Variants in LSM14A observed in about 807,000 individuals in gnomAD.
LSM14A encodes the protein protein LSM14 homolog A.
Under a neutral mutation model 52.4 loss-of-function variants are expected in LSM14A, and 14 were observed. The observed-to-expected ratio is 0.27, with a 90% confidence interval of 0.18 to 0.42. The LOEUF (loss-of-function observed/expected upper bound fraction) is 0.42. LSM14A is among the 10% of genes least tolerant of loss of function. The pLI is 1.00. For synonymous variants in LSM14A, 185 were observed against 200.3 expected (o/e 0.92, Z 0.64); for missense variants, 417 against 581.8 (o/e 0.72, Z 2.91).
chr19:34,172,659 C>A lies in LSM14A; in HGVS notation c.17C>A (p.Pro6His). 6.4e-7 allele frequency: 1 copy of A among 1,574,452 alleles called. No individual in the cohort carries two copies. Among genetic ancestry groups the A allele is most frequent in the Non-Finnish European group, 8.6e-7 (1 of 1,162,310 alleles). Reference protein sequence around the residue: MSGGTPYIGSKISLIS... With the variant: MSGGTHYIGSKISLIS... ...GGCGGCGCCATGAGCGGGGGCACCC[C>A]TTACATCGGCAGCAAGATCAGCCTC... The change falls in exon 1 of 10, where the codon CCT (proline) becomes CAT (histidine). Residue 6 changes from proline to histidine, a missense_variant. Physicochemically the swap from Pro to His is moderately conservative, Grantham distance 77. Coordinates refer to ENST00000544216, the MANE Select transcript of LSM14A (RefSeq NM_015578.4).
At chr19:34,182,992 A>G (rs1268941549) in intron 1 of LSM14A, among the ~76,000 whole-genome samples, 2 of 150,546 alleles carry the variant, frequency 1.3e-5, no homozygotes, top group African/African-American at 4.9e-5. Flanking sequence ...CAGCCTTGTT[A>G]TTGTTGTTTT....
At chr19:34,223,376 G>A (rs780760321) in intron 9 of LSM14A, among the ~76,000 whole-genome samples, 3 of 152,034 alleles carry the variant, frequency 2.0e-5, no homozygotes, top group Non-Finnish European at 2.9e-5. Flanking sequence ...GTGTGCCATG[G>A]TGCTTGTTCC....
chr19:34,196,305 G>C (rs1568482551), intron 2 of LSM14A, among the ~76,000 whole-genome samples: 1 of 151,982 alleles, frequency 6.6e-6, no homozygotes, highest in Admixed American at 6.5e-5. Flanking sequence ...TACTAAGTGT[G>C]ATTTTTCTCA....
chr19:34,199,035 CTT>C (rs1272816465), intron 3 of LSM14A, among the ~76,000 whole-genome samples: 1 of 152,092 alleles, frequency 6.6e-6, no homozygotes, highest in Admixed American at 6.5e-5. Context: ...ATTCAGGTAA[CTT>C]TTACACTCTT....
intron 1 of LSM14A, among the ~76,000 whole-genome samples, chr19:34,173,162 A>C (rs1045909768): frequency 1.3e-5 from 2 of 152,238 alleles, no homozygotes; most frequent in African/African-American, 2.4e-5. Context: ...TGCGTTGACT[A>C]CACAGCACCC....
chr19:34,193,050 T>C (rs890868695), intron 1 of LSM14A, among the ~76,000 whole-genome samples: 6 of 152,222 alleles, frequency 3.9e-5, no homozygotes, highest in Non-Finnish European at 7.3e-5. Context: ...TGAAATATGA[T>C]GTTTCATATT....
intron 1 of LSM14A, among the ~76,000 whole-genome samples, chr19:34,178,357 G>A (rs2069229493): frequency 6.6e-6 from 1 of 152,044 alleles, no homozygotes; most frequent in African/African-American, 2.4e-5. Flanking sequence ...TAAGTTTGAG[G>A]GGCTTTGATC....
rs901862246 is a variant in LSM14A at position 34,172,757 on chromosome 19, G to A, written c.115G>A (p.Ala39Thr). 1 of 1,570,470 alleles carries A rather than the reference G, an allele frequency of 6.4e-7. No homozygotes were observed. The highest frequency in any genetic ancestry group is 1.4e-5 in the African/African-American group (1 of 71,016). ...CACCGAAAACTCCACCGTAGCCCTT[G>A]CCAAAGGTACGCGGGACCGGGCCTC... ...IDTENSTVAL[A>T]KVRSFGTEDR... Residue 39 changes from alanine to threonine, a missense_variant, in exon 1 of 10, where the codon GCC becomes ACC. Ala to Thr is a moderately conservative substitution (Grantham distance 58). Coordinates refer to ENST00000544216, the MANE Select transcript of LSM14A (RefSeq NM_015578.4).
intron 4 of LSM14A, among the ~76,000 whole-genome samples, chr19:34,214,816 AT>A (rs35905842): frequency 0.21 from 30,514 of 142,618 alleles, 3,844 homozygotes; most frequent in South Asian, 0.33. Flanking sequence ...CCTGGCAGCA[AT>A]TTTTTTTTTT....
chr19:34,188,844 A>G (rs1568477535), intron 1 of LSM14A, among the ~76,000 whole-genome samples: 1 of 150,964 alleles, frequency 6.6e-6, no homozygotes, highest in African/African-American at 2.4e-5. Flanking sequence ...TATATATCAT[A>G]TATATAAGAT....
At chr19:34,198,310 A>T (rs1434784709) in intron 3 of LSM14A, among the ~76,000 whole-genome samples, 2 of 152,128 alleles carry the variant, frequency 1.3e-5, no homozygotes, top group Non-Finnish European at 2.9e-5. Flanking sequence ...AGAATGGCAA[A>T]AAAAAAGCAA....
intron 4 of LSM14A, among the ~76,000 whole-genome samples, chr19:34,214,204 T>G (rs940919503): frequency 1.3e-5 from 2 of 152,148 alleles, no homozygotes; most frequent in African/African-American, 4.8e-5. Flanking sequence ...TTGTTTGTTT[T>G]TTTGCTGGCC....
chr19:34,191,514 T>A (rs903111695), intron 1 of LSM14A, among the ~76,000 whole-genome samples: 1 of 152,102 alleles, frequency 6.6e-6, no homozygotes, highest in Non-Finnish European at 1.5e-5. Flanking sequence ...CTCCCTCCTT[T>A]CCCTCTTTTC....
At chr19:34,202,143 T>C (rs2071340600) in intron 3 of LSM14A, among the ~76,000 whole-genome samples, 1 of 151,544 alleles carries the variant, frequency 6.6e-6, no homozygotes. Flanking sequence ...TTTTTTTTTT[T>C]TTCCATTTGG....
intron 2 of LSM14A, among the ~76,000 whole-genome samples, chr19:34,196,178 T>A (rs1201970436): frequency 1.3e-5 from 2 of 152,208 alleles, no homozygotes; most frequent in African/African-American, 4.8e-5. Context: ...GTAAATGGTT[T>A]TATGTGGGAT....
Position 34,221,397 on chromosome 19 carries a change from A to T in LSM14A, c.1137-110A>T, listed in dbSNP as rs780356116. The T allele has an allele frequency of 8.1e-6, 10 of 1,229,464 alleles. No individual in the cohort carries two copies. In the African/African-American group the frequency reaches 1.2e-4, roughly 15 times the overall value. The allele number at this position is 1,229,464 out of a possible 1,614,324, so 76.2% of individuals were successfully genotyped here. A position where few individuals can be genotyped will look rare whatever the true frequency, so the allele number is the denominator to read the frequency against. On this transcript the variant is annotated intron_variant, in intron 8 of 9. Coordinates refer to ENST00000544216, the MANE Select transcript of LSM14A (RefSeq NM_015578.4). ...ACGCCTAGCCAAGATGCTTATTTCT[A>T]ATTAGCTTTAGTAATTACTTAGGCT...
intron 1 of LSM14A, among the ~76,000 whole-genome samples, chr19:34,181,162 C>G (rs117558454): frequency 0.03 from 4,568 of 152,106 alleles, 100 homozygotes; most frequent in Admixed American, 0.053. Flanking sequence ...AGCATTTGTC[C>G]CCTCTTGGTG....
intron 1 of LSM14A, among the ~76,000 whole-genome samples, chr19:34,181,307 C>A (rs916036603): frequency 1.3e-5 from 2 of 152,192 alleles, no homozygotes; most frequent in African/African-American, 4.8e-5. Flanking sequence ...TGTACTTGAA[C>A]TGAATTTCCT....
rs373320819 is a variant in LSM14A, at chr19:34,173,165, C to T, written c.121+402C>T. ...GTTCATCGCGGATGCGTTGACTACACAGCACCCATTTTCTCACTTTGTTCA... is the reference window on the plus strand; with the variant it reads ...GTTCATCGCGGATGCGTTGACTACATAGCACCCATTTTCTCACTTTGTTCA... On this transcript the variant is annotated intron_variant, in intron 1 of 9. Coordinates refer to ENST00000544216, the MANE Select transcript of LSM14A (RefSeq NM_015578.4). Among the ~76,000 whole-genome samples the T allele has an allele frequency of 1.2e-4, 19 of 152,360 alleles. 1 individual carries two copies. The highest frequency in any genetic ancestry group is 3.4e-3 in the Middle Eastern group (1 of 294).
Sources: gnomAD v4.1 joint callset for allele counts (sites outside exome capture counted in the v4.1 genomes callset) on GRCh38, gnomAD v4.1.1 for gene constraint, MANE v1.5 for transcripts, NCBI Gene and HGNC (gene_info 2026-07-23, HGNC 2026-07-21) for gene names.